The following TMEM242 variants were observed in gnomAD, a reference collection of about 807,000 sequenced individuals.
TMEM242 encodes UPF0463 transmembrane protein C6orf35.
Under a neutral mutation model 18.2 loss-of-function variants are expected in TMEM242, and 10 were observed. That is an observed-to-expected ratio of 0.55 (90% CI 0.34 to 0.93). The LOEUF (loss-of-function observed/expected upper bound fraction) is 0.93, where lower values mean the gene tolerates loss of function less well. TMEM242 is among the 40% of genes least tolerant of loss of function. TMEM242 has a pLI of 0.02. For synonymous variants in TMEM242, 57 were observed against 69.9 expected (o/e 0.81, Z 0.92); for missense variants, 186 against 175.5 (o/e 1.06, Z -0.34).
chr6:157,313,852 CCA>C, intron 3 of TMEM242, among the ~76,000 whole-genome samples: 1 of 151,470 alleles, frequency 6.6e-6, no homozygotes, highest in African/African-American at 2.4e-5. Flanking sequence ...TCACAGTGCC[CCA>C]GTGTGCACTC....
At chr6:157,306,030 G>C (rs963139564) in intron 3 of TMEM242, among the ~76,000 whole-genome samples, 2 of 152,222 alleles carry the variant, frequency 1.3e-5, no homozygotes, top group African/African-American at 2.4e-5. Context: ...GGAGAAACTA[G>C]AGCATGTCTG....
chr6:157,312,656 T>C lies in TMEM242; in HGVS notation c.327+6126A>G, dbSNP rs1554249362. On this transcript the variant is annotated intron_variant, in intron 3 of 3. Transcript: ENST00000400788. ...AGTGTGCACTCACCCGGCCTCATCA[T>C]AGTGCCCCAGGGTGCACTCACCTAG... Among the ~76,000 whole-genome samples the C allele has an allele frequency of 2.0e-5, 3 of 151,806 alleles. 1 individual carries two copies. Among genetic ancestry groups the C allele is most frequent in the Non-Finnish European group, 4.4e-5 (3 of 67,874 alleles).
At chr6:157,313,420 C>T (rs1554249758) in intron 3 of TMEM242, among the ~76,000 whole-genome samples, 16 of 78,090 alleles carry the variant, frequency 2.0e-4, no homozygotes, top group East Asian at 7.9e-4. Flanking sequence ...CCAGTGTGCG[C>T]TCACCTGGCC....
At chr6:157,300,638 A>G (rs1178493255) in intron 3 of TMEM242, among the ~76,000 whole-genome samples, 1 of 152,154 alleles carries the variant, frequency 6.6e-6, no homozygotes, top group Non-Finnish European at 1.5e-5. Flanking sequence ...CCTATTTATA[A>G]AGGATCCCAC....
At chr6:157,313,062 C>A (rs1554249593) in intron 3 of TMEM242, among the ~76,000 whole-genome samples, 20 of 141,368 alleles carry the variant, frequency 1.4e-4, no homozygotes, top group African/African-American at 3.4e-4. Context: ...CTGGCCTCAT[C>A]ATAGGGTCCC....
chr6:157,296,726 C>T lies in TMEM242; in HGVS notation c.328-3727G>A, dbSNP rs112157788. Among the ~76,000 whole-genome samples, 1,243 of 152,122 alleles carry T rather than the reference C, an allele frequency of 8.2e-3. 18 individuals carry two copies. The highest frequency in any genetic ancestry group is 0.027 in the African/African-American group (1,134 of 41,496). On this transcript the variant is annotated intron_variant, in intron 3 of 3. Transcript: ENST00000400788. The stretch of plus-strand genomic sequence containing the variant: ...ACAAAACCAAGACATGAATGGTACT[C>T]CCCAGTGCCGTGGGCCCACCATCCT...
intron 3 of TMEM242, chr6:157,299,505 G>C: frequency 6.9e-7 from 1 of 1,438,878 alleles, no homozygotes; most frequent in Non-Finnish European, 9.8e-7. Flanking sequence ...AAACAAAAAC[G>C]AGCAGTATCC....
intron 3 of TMEM242, among the ~76,000 whole-genome samples, chr6:157,304,135 C>T (rs1777870211): frequency 6.6e-6 from 1 of 152,012 alleles, no homozygotes; most frequent in Admixed American, 6.6e-5. Flanking sequence ...AAAAGGAAAA[C>T]TTATAATGTG....
intron 3 of TMEM242, among the ~76,000 whole-genome samples, chr6:157,300,344 G>A (rs1554247434): frequency 2.6e-5 from 4 of 152,240 alleles, no homozygotes; most frequent in Admixed American, 6.5e-5. Flanking sequence ...GCTGCTTCTC[G>A]AGCAAGTGAT....
chr6:157,314,908 A>T (rs1272581519), intron 3 of TMEM242, among the ~76,000 whole-genome samples: 1 of 152,232 alleles, frequency 6.6e-6, no homozygotes, highest in Non-Finnish European at 1.5e-5. Flanking sequence ...ACTTTCATCA[A>T]GCTGCTCTAG....
intron 2 of TMEM242, among the ~76,000 whole-genome samples, chr6:157,321,210 G>T (rs188981562): frequency 6.6e-6 from 1 of 151,844 alleles, no homozygotes; most frequent in Non-Finnish European, 1.5e-5. Flanking sequence ...GGGTTTCATC[G>T]TGTTAGCAAG....
chr6:157,312,715 G>A (rs1387264595), intron 3 of TMEM242, among the ~76,000 whole-genome samples: 9 of 25,700 alleles, frequency 3.5e-4, no homozygotes, highest in African/African-American at 1.1e-3. Flanking sequence ...CGCTCACCTG[G>A]CCTCATCTTA....
At position 157,322,714 on chromosome 6, in the gene TMEM242, C is replaced by T; in HGVS notation, c.180G>A (p.Trp60Ter). The T allele has an allele frequency of 1.2e-6, 2 of 1,611,212 alleles. No individual in the cohort carries two copies. The highest frequency in any genetic ancestry group is 8.5e-7 in the Non-Finnish European group (1 of 1,178,702). The change falls in exon 2 of 4, where the codon TGG (tryptophan) becomes TGA (stop). Residue 60 changes from tryptophan (W) to a stop codon, truncating the protein, a stop_gained. Coordinates refer to ENST00000400788, the MANE Select transcript of TMEM242 (RefSeq NM_018452.6). LOFTEE classifies it high-confidence loss of function. ...LSLAKKKSPEWFNKGSMATAA... is the reference protein window; with the variant it reads ...LSLAKKKSPE ...TTTCAGTGTCACCAACCTTATTGAA[C>T]CATTCAGGGCTTTTCTTTTTAGCCA...
At chr6:157,322,537 T>C (rs1315433036) in intron 2 of TMEM242, among the ~76,000 whole-genome samples, 168 bp downstream of exon 2, 1 of 152,226 alleles carries the variant, frequency 6.6e-6, no homozygotes, top group African/African-American at 2.4e-5. Context: ...TCCTTCTAAA[T>C]GAAAATAAAG....
intron 3 of TMEM242, among the ~76,000 whole-genome samples, chr6:157,294,076 G>C (rs1777718246): frequency 6.6e-6 from 1 of 152,060 alleles, no homozygotes; most frequent in African/African-American, 2.4e-5. Flanking sequence ...GGAGCACCTG[G>C]GTCCACCTAA....
intron 3 of TMEM242, among the ~76,000 whole-genome samples, chr6:157,314,082 G>C (rs1554250037): frequency 1.7e-5 from 1 of 59,302 alleles, no homozygotes; most frequent in Non-Finnish European, 3.3e-5. Flanking sequence ...CCTCATCATA[G>C]AGCCCCAGTG....
At chr6:157,316,391 T>C (rs1778391507) in intron 3 of TMEM242, among the ~76,000 whole-genome samples, 1 of 152,202 alleles carries the variant, frequency 6.6e-6, no homozygotes, top group South Asian at 2.1e-4. Context: ...TTATGAAGAT[T>C]AAATAATCTG....
intron 3 of TMEM242, among the ~76,000 whole-genome samples, chr6:157,295,799 G>A (rs1777741331): frequency 6.6e-6 from 1 of 152,184 alleles, no homozygotes. Flanking sequence ...GAAAGGAACG[G>A]AGATGGGTAA....
At chr6:157,315,601 G>A (rs1554250252) in intron 3 of TMEM242, among the ~76,000 whole-genome samples, 1 of 152,178 alleles carries the variant, frequency 6.6e-6, no homozygotes. Flanking sequence ...CAGAGGCTGA[G>A]TAGATATTTC....
Sources: gnomAD v4.1 joint callset for allele counts (sites outside exome capture counted in the v4.1 genomes callset) on GRCh38, gnomAD v4.1.1 for gene constraint, MANE v1.5 for transcripts, NCBI Gene and HGNC (gene_info 2026-07-23, HGNC 2026-07-21) for gene names.